The following GALNT13 variants were observed in gnomAD, a reference collection of about 807,000 sequenced individuals.
The protein encoded by GALNT13 is UDP-GalNAc:polypeptide N-acetylgalactosaminyltransferase 13.
GALNT13 carries 28 observed loss-of-function variants against 64.2 expected under a neutral mutation model. The observed-to-expected ratio is 0.44, with a 90% CI of 0.32 to 0.60. GALNT13 has a LOEUF of 0.60. Among genes scored for constraint, GALNT13 ranks in the 20% least tolerant of loss-of-function variants. GALNT13 has a pLI of 0.05. For synonymous variants in GALNT13, 214 were observed against 224.6 expected (o/e 0.95, Z 0.42); for missense variants, 577 against 669.8 (o/e 0.86, Z 1.53).
At chr2:153,642,129 G>A in the GALNT13 span, among the ~76,000 whole-genome samples, 4 of 151,660 alleles carry the variant, frequency 2.6e-5, no homozygotes, top group East Asian at 3.9e-4. Context: ...CTGGATTTTC[G>A]AGCCCTCACT....
intron 3 of GALNT13, among the ~76,000 whole-genome samples, chr2:154,121,076 G>A (rs2105516676): frequency 6.6e-6 from 1 of 152,268 alleles, no homozygotes. Context: ...AATCCTCTCT[G>A]TCTGGTATTG....
At chr2:153,719,944 TG>T in the GALNT13 span, among the ~76,000 whole-genome samples, 1 of 152,126 alleles carries the variant, frequency 6.6e-6, no homozygotes, top group Non-Finnish European at 1.5e-5. Context: ...AAGCTCAAAC[TG>T]GGTGGAGCCC....
chr2:154,035,861 T>A (rs1179444784), intron 3 of GALNT13, among the ~76,000 whole-genome samples: 1 of 152,018 alleles, frequency 6.6e-6, no homozygotes, highest in Non-Finnish European at 1.5e-5. Context: ...CACTCATTAA[T>A]AGGAGAGAGA....
At chr2:154,156,477 T>A (rs1452054955) in intron 4 of GALNT13, among the ~76,000 whole-genome samples, 1 of 152,132 alleles carries the variant, frequency 6.6e-6, no homozygotes, top group Non-Finnish European at 1.5e-5. Context: ...ATATCAATAT[T>A]TATTGAATTT....
At chr2:153,851,758 C>A in the GALNT13 span, among the ~76,000 whole-genome samples, 1 of 151,784 alleles carries the variant, frequency 6.6e-6, no homozygotes, top group Non-Finnish European at 1.5e-5. Context: ...ATTAATAGCA[C>A]CAGAATTTGT....
chr2:154,359,927 A>C (rs1307998783), intron 9 of GALNT13, among the ~76,000 whole-genome samples: 1 of 152,142 alleles, frequency 6.6e-6, no homozygotes, highest in Non-Finnish European at 1.5e-5. Context: ...GCAATCTGTT[A>C]AGGTAGACTT....
chr2:153,876,186 A>G (rs1686356130), intron 1 of GALNT13, among the ~76,000 whole-genome samples: 1 of 147,834 alleles, frequency 6.8e-6, no homozygotes, highest in South Asian at 2.2e-4. Flanking sequence ...CATTTCTAAC[A>G]GCAACCCCCC....
the GALNT13 span, among the ~76,000 whole-genome samples, chr2:153,402,890 A>C: frequency 6.6e-6 from 1 of 152,172 alleles, no homozygotes; most frequent in Non-Finnish European, 1.5e-5. Context: ...CCCGTCGCTC[A>C]CAGTAATTTG....
intron 3 of GALNT13, among the ~76,000 whole-genome samples, chr2:153,975,837 C>A (rs567855395): frequency 2.6e-5 from 4 of 151,918 alleles, no homozygotes; most frequent in South Asian, 2.1e-4. Context: ...ACTACACACA[C>A]AAAAAAACGG....
At chr2:153,678,886 C>T in the GALNT13 span, among the ~76,000 whole-genome samples, 1 of 151,982 alleles carries the variant, frequency 6.6e-6, no homozygotes, top group African/African-American at 2.4e-5. Flanking sequence ...AGAATTCCCT[C>T]CCTATATGCT....
intron 9 of GALNT13, among the ~76,000 whole-genome samples, chr2:154,312,406 A>AG (rs1184119524): frequency 6.6e-6 from 1 of 152,146 alleles, no homozygotes; most frequent in African/African-American, 2.4e-5. Flanking sequence ...TCTGTAAAGA[A>AG]ACTAGTCATC....
At chr2:154,398,313 T>C (rs1032612312) in intron 10 of GALNT13, among the ~76,000 whole-genome samples, 1 of 152,192 alleles carries the variant, frequency 6.6e-6, no homozygotes. Context: ...TTGGAAATCC[T>C]CTGGGGCCAC....
chr2:153,312,207 A>G, the GALNT13 span, among the ~76,000 whole-genome samples: 1 of 152,200 alleles, frequency 6.6e-6, no homozygotes, highest in African/African-American at 2.4e-5. Flanking sequence ...TCTACGGGAC[A>G]GTCCTGATGG....
chr2:153,997,900 T>G (rs1398918414), intron 3 of GALNT13, among the ~76,000 whole-genome samples: 3 of 152,126 alleles, frequency 2.0e-5, no homozygotes, highest in Non-Finnish European at 4.4e-5. Flanking sequence ...GGTGTTTGGT[T>G]TTCTTTTCTT....
chr2:153,158,677 C>T, the GALNT13 span, among the ~76,000 whole-genome samples: 1 of 152,138 alleles, frequency 6.6e-6, no homozygotes, highest in Non-Finnish European at 1.5e-5. Flanking sequence ...CTGGTGGTTT[C>T]AGAACATGAT....
intron 3 of GALNT13, among the ~76,000 whole-genome samples, chr2:154,123,886 G>A (rs1682104065): frequency 6.6e-6 from 1 of 152,018 alleles, no homozygotes; most frequent in Non-Finnish European, 1.5e-5. Flanking sequence ...CACAGAAGGA[G>A]CACAAGGATT....
the GALNT13 span, among the ~76,000 whole-genome samples, chr2:153,433,797 G>C: frequency 1.3e-5 from 2 of 151,700 alleles, no homozygotes; most frequent in Non-Finnish European, 2.9e-5. Context: ...TAGAAATAAT[G>C]GCCTTATCAG....
In GALNT13 at chr2:154,418,433, A is replaced by G. The variant is rs544521046; in HGVS notation, c.1395+9351A>G. Among the ~76,000 whole-genome samples the G allele has an allele frequency of 2.6e-5, 4 of 152,302 alleles. No homozygotes were observed. In the East Asian group the frequency reaches 7.7e-4, roughly 29 times the overall value. On this transcript the variant is annotated intron_variant, in intron 11 of 12. Transcript: ENST00000392825. ...GTTATCTAGATAGCCGCGCTACCAC[A>G]TGTATCCTTATAAAAGGGAAGCAGA...
chr2:153,553,410 G>A, the GALNT13 span, among the ~76,000 whole-genome samples: 1 of 152,138 alleles, frequency 6.6e-6, no homozygotes, highest in Non-Finnish European at 1.5e-5. Context: ...GCTGAGGTGG[G>A]AGGATTGCTT....
Sources: allele counts gnomAD v4.1 joint callset (sites outside exome capture counted in the v4.1 genomes callset), GRCh38; gene constraint gnomAD v4.1.1; transcripts MANE v1.5; gene names NCBI Gene and HGNC (gene_info 2026-07-23, HGNC 2026-07-21).